NF1: variants seen among roughly 807,000 people sequenced by gnomAD.
NF1 encodes the protein neurofibromin 1, also known as neurofibromin.
In NF1, 122 loss-of-function variants were observed where a neutral mutation model predicts 325.7. The ratio of observed to expected loss-of-function variants is 0.37; its 90% CI spans 0.32 to 0.44. The LOEUF (loss-of-function observed/expected upper bound fraction) is 0.44. Among genes scored for constraint, NF1 ranks in the 20% least tolerant of loss-of-function variants. NF1 has a pLI of 1.00. For synonymous variants in NF1, 1,091 were observed against 1,186.0 expected, an observed-to-expected ratio of 0.92 and a Z score of 1.65; for missense variants, 2,140 against 3,415.4, an observed-to-expected ratio of 0.63 and a Z score of 9.31.
At chr17:31,197,753 T>C (rs2066459627) in intron 8 of NF1, among the ~76,000 whole-genome samples, 1 of 152,192 alleles carries the variant, frequency 6.6e-6, no homozygotes, top group Non-Finnish European at 1.5e-5. Flanking sequence ...TGAATAGACA[T>C]AGTTTTGCTT....
intron 8 of NF1, among the ~76,000 whole-genome samples, chr17:31,190,285 T>C (rs910508849): frequency 3.3e-5 from 5 of 151,812 alleles, no homozygotes; most frequent in African/African-American, 1.2e-4. Context: ...AAAAATAAAA[T>C]AGTATTCTCA....
At chr17:31,147,269 A>G (rs1297748520) in intron 1 of NF1, among the ~76,000 whole-genome samples, 1 of 152,202 alleles carries the variant, frequency 6.6e-6, no homozygotes, top group Non-Finnish European at 1.5e-5. Flanking sequence ...CCTGACTTCT[A>G]AAATCATGGG....
chr17:31,125,081 A>G lies in NF1; in HGVS notation c.60+29712A>G, dbSNP rs141776822. 2.6e-3 allele frequency among the ~76,000 whole-genome samples: 396 copies of G among 151,606 alleles called. 3 individuals carry two copies. Among genetic ancestry groups the G allele is most frequent in the Non-Finnish European group, 4.9e-3 (330 of 67,922 alleles). The stretch of plus-strand genomic sequence containing the variant: ...TGGCCCAAATCACAGTTCTTTTCTT[A>G]CCATTCCCCCTACCACTATCTTGAA... On this transcript the variant is annotated intron_variant, in intron 1 of 57. Transcript: ENST00000358273.
In NF1 at chr17:31,330,372, T is replaced by A. The variant is rs2151544612; in HGVS notation, c.5686T>A (p.Ser1896Thr). Residue 1896 changes from serine to threonine, a missense_variant, in exon 39 of 58, where the codon TCA (serine) becomes ACA (threonine). Around this residue, in one of 10 missense-constraint regions of NF1, gnomAD observed 180 missense variants for 435.1 expected, o/e 0.41. Transcript: ENST00000358273. Reference protein sequence around the residue: ...LKIEGQLLETSGLCIPANNTL... With the variant: ...LKIEGQLLETTGLCIPANNTL... ...AATCGAGGGCCAGTTACTAGAGACA[T>A]CAGGTTTATGTATCCCTGCCAACAA... 6.2e-7 allele frequency: 1 copy of A among 1,614,028 alleles called. No individual in the cohort carries two copies. The highest frequency in any genetic ancestry group is 8.5e-7 in the Non-Finnish European group (1 of 1,179,902).
intron 1 of NF1, among the ~76,000 whole-genome samples, chr17:31,110,076 T>C (rs78880702): frequency 0.013 from 2,036 of 152,300 alleles, 10 homozygotes; most frequent in Non-Finnish European, 0.021. Context: ...AAACATCGTG[T>C]GATTTCTAGA....
At chr17:31,140,494 T>C (rs191143034) in intron 1 of NF1, among the ~76,000 whole-genome samples, 1 of 152,364 alleles carries the variant, frequency 6.6e-6, no homozygotes, top group East Asian at 1.9e-4. Context: ...TCGTGTCAAC[T>C]CTGTAATAAA....
At position 31,276,315 on chromosome 17, in the gene NF1, G is replaced by GT. The variant is rs17884525; in HGVS notation, c.4835+10977dup. Among the ~76,000 whole-genome samples the GT allele has an allele frequency of 7.1e-3, 1,065 of 150,784 alleles. 11 individuals carry two copies. The highest frequency in any genetic ancestry group is 0.024 in the Middle Eastern group (7 of 292). ...GCTGGTATCATTAATGATGTCTAAA[G>GT]TAAGAGTTATTTGGTTATTTGCAGT... On this transcript the variant is annotated intron_variant, in intron 36 of 57. Coordinates refer to ENST00000358273, the MANE Select transcript of NF1 (RefSeq NM_001042492.3).
intron 36 of NF1, among the ~76,000 whole-genome samples, chr17:31,267,866 C>T (rs774706477): frequency 1.3e-5 from 2 of 152,166 alleles, no homozygotes; most frequent in Non-Finnish European, 1.5e-5. Context: ...TAAATTCTTT[C>T]CTCTTATTGT....
chr17:31,312,050 G>T (rs576149836), intron 36 of NF1, among the ~76,000 whole-genome samples: 3 of 151,924 alleles, frequency 2.0e-5, no homozygotes, highest in South Asian at 2.1e-4. Context: ...TGAAAATTTT[G>T]TGGTGATTTT....
At chr17:31,370,728 G>A (rs1445540504) in intron 57 of NF1, among the ~76,000 whole-genome samples, 1 of 152,174 alleles carries the variant, frequency 6.6e-6, no homozygotes, top group Non-Finnish European at 1.5e-5. Context: ...TGGTCTAGTA[G>A]TAGCAAGACA....
chr17:31,235,467 A>G (rs956306056), intron 27 of NF1, 144 bp from the exon 28 acceptor site: 8 of 810,888 alleles, frequency 9.9e-6, no homozygotes, highest in Non-Finnish European at 1.7e-5. Flanking sequence ...GTTAAATCTC[A>G]GGATAAATAT....
intron 36 of NF1, chr17:31,305,682 T>G: frequency 6.7e-7 from 1 of 1,489,036 alleles, no homozygotes; most frequent in South Asian, 1.4e-5. Flanking sequence ...CATTGGTGTC[T>G]AGTTAAAAAT....
chr17:31,099,928 C>A (rs4485427), intron 1 of NF1, among the ~76,000 whole-genome samples: 2,595 of 151,672 alleles, frequency 0.017, 92 homozygotes, highest in African/African-American at 0.06. Flanking sequence ...TGTGTATCTC[C>A]CCTAGTTCTG....
intron 1 of NF1, chr17:31,137,636 A>G (rs995557924): frequency 6.6e-6 from 1 of 151,928 alleles, no homozygotes; most frequent in Non-Finnish European, 1.5e-5. Context: ...CATTTTGGAA[A>G]TTCCTATTGC....
At chr17:31,114,853 C>CA (rs1255719913) in intron 1 of NF1, among the ~76,000 whole-genome samples, 1 of 151,240 alleles carries the variant, frequency 6.6e-6, no homozygotes, top group Non-Finnish European at 1.5e-5. Flanking sequence ...GACTCTGTCT[C>CA]AAAAAAAGAA....
chr17:31,124,458 A>C (rs1253591914), intron 1 of NF1, among the ~76,000 whole-genome samples: 2 of 147,432 alleles, frequency 1.4e-5, no homozygotes, highest in Non-Finnish European at 3.0e-5. Flanking sequence ...ATAATATTCT[A>C]TTATCAGTAT....
At chr17:31,221,954 T>C (rs1407621986) in intron 15 of NF1, 25 bp downstream of exon 15, 1 of 1,566,116 alleles carries the variant, frequency 6.4e-7, no homozygotes, top group Non-Finnish European at 8.6e-7. Flanking sequence ...ATTTTTTAAA[T>C]TCAACTTTTA....
chr17:31,240,916 C>T (rs1437816402), intron 29 of NF1, among the ~76,000 whole-genome samples: 1 of 152,178 alleles, frequency 6.6e-6, no homozygotes, highest in Admixed American at 6.5e-5. Context: ...CTTGCTCTGT[C>T]ACACAGGTTG....
At chr17:31,230,970 G>C (rs573562091) in intron 24 of NF1, 45 bp downstream of exon 24, 2 of 1,376,608 alleles carry the variant, frequency 1.5e-6, no homozygotes, top group South Asian at 1.2e-5. Flanking sequence ...TTTACTGTGA[G>C]AGTTATAACT....
Sources: gnomAD v4.1 joint callset for allele counts (sites outside exome capture counted in the v4.1 genomes callset) on GRCh38, gnomAD v4.1.1 for gene constraint, gnomAD v4.1.1 regional missense constraint, MANE v1.5 for transcripts, NCBI Gene and HGNC (gene_info 2026-07-23, HGNC 2026-07-21) for gene names.